Variants in PPP1R16B observed in about 807,000 individuals in gnomAD.
PPP1R16B encodes protein phosphatase 1 regulatory inhibitor subunit 16B.
Under a neutral mutation model 61.7 loss-of-function variants are expected in PPP1R16B, and 14 were observed. That is an observed-to-expected ratio of 0.23 (90% confidence interval 0.15 to 0.35). PPP1R16B has a LOEUF of 0.35. Ranked by LOEUF, PPP1R16B falls within the 10% of genes least tolerant of loss-of-function variation. The pLI, the probability that PPP1R16B is intolerant of heterozygous loss-of-function variation, is 1.00. For missense variants in PPP1R16B, 547 were observed against 752.5 expected (o/e 0.73, Z 3.19); for synonymous variants, 266 against 305.3 (o/e 0.87, Z 1.34).
chr20:38,847,714 TTA>T (rs990703426), intron 2 of PPP1R16B, among the ~76,000 whole-genome samples: 6 of 152,120 alleles, frequency 3.9e-5, no homozygotes, highest in African/African-American at 1.4e-4. Context: ...TTGTGTACGT[TTA>T]TGTTTGTGTG....
At chr20:38,807,601 G>A (rs2084671225) in intron 1 of PPP1R16B, among the ~76,000 whole-genome samples, 2 of 152,038 alleles carry the variant, frequency 1.3e-5, no homozygotes, top group Admixed American at 6.5e-5. Flanking sequence ...CTGCTCACAC[G>A]GCCCTTCCCA....
At chr20:38,912,324 A>G (rs568986685) in intron 10 of PPP1R16B, among the ~76,000 whole-genome samples, 13 of 152,006 alleles carry the variant, frequency 8.6e-5, no homozygotes, top group African/African-American at 2.7e-4. Flanking sequence ...TTCTCAAAGC[A>G]TGGTCCCTGT....
intron 1 of PPP1R16B, among the ~76,000 whole-genome samples, chr20:38,831,153 G>T (rs2084834554): frequency 6.6e-6 from 1 of 152,164 alleles, no homozygotes; most frequent in Non-Finnish European, 1.5e-5. Flanking sequence ...TCTAGAGGCC[G>T]GTGTCTGTTC....
chr20:38,888,505 T>A (rs1176676239), intron 2 of PPP1R16B, among the ~76,000 whole-genome samples: 1 of 152,092 alleles, frequency 6.6e-6, no homozygotes, highest in East Asian at 1.9e-4. Flanking sequence ...CTCGGAGTCA[T>A]TTGGACAGGG....
intron 2 of PPP1R16B, among the ~76,000 whole-genome samples, chr20:38,859,699 C>G (rs1448212110): frequency 7.9e-5 from 12 of 152,062 alleles, no homozygotes; most frequent in Admixed American, 7.9e-4. Context: ...GATATGTTGC[C>G]CAGGCTGGTT....
At chr20:38,861,857 A>G (rs567159344) in intron 2 of PPP1R16B, among the ~76,000 whole-genome samples, 1 of 151,484 alleles carries the variant, frequency 6.6e-6, no homozygotes, top group African/African-American at 2.4e-5. Flanking sequence ...TTGTATTTTT[A>G]GTAGAGACAG....
intron 1 of PPP1R16B, among the ~76,000 whole-genome samples, chr20:38,808,644 C>G (rs1366136858): frequency 6.6e-6 from 1 of 152,176 alleles, no homozygotes; most frequent in Non-Finnish European, 1.5e-5. Context: ...CTTAATCTCT[C>G]TGAGTCTGGT....
rs2084659984 is a variant in PPP1R16B, at chr20:38,806,229, G to C, written c.-102+437G>C. 6.6e-6 allele frequency among the ~76,000 whole-genome samples: 1 copy of C among 152,050 alleles called. No homozygotes were observed. The highest frequency in any genetic ancestry group is 6.5e-5 in the Admixed American group (1 of 15,286). On this transcript the variant is annotated intron_variant, in intron 1 of 10. Transcript: ENST00000299824. The surrounding 1 kb of genome is among the most constrained non-coding windows in gnomAD (Gnocchi z 4.5). ...CCCCCCCCGCGCACTCTCCCGGCCG[G>C]GCATGGTGGTGCCGCCCCCTCGCGT...
intron 3 of PPP1R16B, 50 bp downstream of exon 3, chr20:38,889,715 C>T: frequency 1.3e-6 from 2 of 1,509,392 alleles, no homozygotes; most frequent in Non-Finnish European, 1.8e-6. Flanking sequence ...CTCACCTGGA[C>T]AGGTACCCTG....
At chr20:38,867,497 T>C (rs1160677381) in intron 2 of PPP1R16B, among the ~76,000 whole-genome samples, 1 of 152,208 alleles carries the variant, frequency 6.6e-6, no homozygotes, top group Non-Finnish European at 1.5e-5. Context: ...TCAGTTTTTC[T>C]TTTGGTTAAA....
chr20:38,903,532 ACCAT>A (rs375386185), intron 6 of PPP1R16B, among the ~76,000 whole-genome samples: 66 of 145,440 alleles, frequency 4.5e-4, no homozygotes, highest in African/African-American at 1.1e-3. Flanking sequence ...GGTCCATCCA[ACCAT>A]CCATCCATCC....
chr20:38,821,372 G>A (rs561197211), intron 1 of PPP1R16B, among the ~76,000 whole-genome samples: 1 of 152,332 alleles, frequency 6.6e-6, no homozygotes, highest in East Asian at 1.9e-4. Context: ...TCCACCAGAA[G>A]TGATCTGGAA....
intron 2 of PPP1R16B, among the ~76,000 whole-genome samples, chr20:38,851,745 G>A (rs1021276542): frequency 1.3e-5 from 2 of 152,178 alleles, no homozygotes; most frequent in Non-Finnish European, 2.9e-5. Context: ...GCCTTGCTGG[G>A]CATGGTGGCT....
intron 1 of PPP1R16B, among the ~76,000 whole-genome samples, chr20:38,810,663 A>T (rs1350634349): frequency 6.6e-6 from 1 of 152,182 alleles, no homozygotes; most frequent in Admixed American, 6.5e-5. Context: ...ATTGATCATG[A>T]TATAGCACCA....
intron 1 of PPP1R16B, among the ~76,000 whole-genome samples, chr20:38,818,238 C>G (rs1285229470): frequency 6.6e-6 from 1 of 152,218 alleles, no homozygotes; most frequent in Non-Finnish European, 1.5e-5. Context: ...ATGCCTGTTT[C>G]TAAGACTCAT....
chr20:38,861,673 CTTTTTTTT>C (rs869187206), intron 2 of PPP1R16B, among the ~76,000 whole-genome samples: 1 of 125,624 alleles, frequency 8.0e-6, no homozygotes, highest in African/African-American at 3.2e-5. Context: ...TGCAGTTCTT[CTTTTTTTT>C]TTTTTTTTTT....
At chr20:38,911,398 C>G (rs979011556) in intron 10 of PPP1R16B, among the ~76,000 whole-genome samples, 1 of 143,444 alleles carries the variant, frequency 7.0e-6, no homozygotes, top group African/African-American at 2.6e-5. Flanking sequence ...GATCTCCTGA[C>G]CTCGTGATCC....
intron 1 of PPP1R16B, among the ~76,000 whole-genome samples, chr20:38,820,996 G>A (rs1463633317): frequency 1.4e-5 from 2 of 144,266 alleles, no homozygotes; most frequent in African/African-American, 2.6e-5. Flanking sequence ...AGCTGAGATC[G>A]CACCACTGTA....
intron 2 of PPP1R16B, among the ~76,000 whole-genome samples, chr20:38,869,702 C>A (rs1340940972): frequency 6.6e-6 from 1 of 152,094 alleles, no homozygotes; most frequent in Non-Finnish European, 1.5e-5. Context: ...CCTTCATTTG[C>A]TCAACTTATA....
Sources: gnomAD v4.1 joint callset for allele counts (sites outside exome capture counted in the v4.1 genomes callset) on GRCh38, gnomAD v4.1.1 for gene constraint, Gnocchi (gnomAD v3.1) non-coding constraint, MANE v1.5 for transcripts, NCBI Gene and HGNC (gene_info 2026-07-23, HGNC 2026-07-21) for gene names.